The following ARHGAP10 variants were observed in gnomAD, a reference collection of about 807,000 sequenced individuals.
ARHGAP10 encodes rho GTPase-activating protein 10.
In ARHGAP10, 87 loss-of-function variants were observed where a neutral mutation model predicts 108.6. That is an observed-to-expected ratio of 0.80 (90% CI 0.67 to 0.96). The LOEUF (loss-of-function observed/expected upper bound fraction) is 0.96. ARHGAP10 is among the 40% of genes least tolerant of loss of function. The probability of loss-of-function intolerance (pLI) is 0.00; values close to 1 mark genes in which losing one functional copy is unlikely to be tolerated. For synonymous variants in ARHGAP10, 347 were observed against 341.1 expected (o/e 1.02, Z -0.19); for missense variants, 939 against 954.5 (o/e 0.98, Z 0.21).
chr4:147,739,575 A>G (rs1728568406), intron 1 of ARHGAP10, among the ~76,000 whole-genome samples: 1 of 152,300 alleles, frequency 6.6e-6, no homozygotes, highest in East Asian at 1.9e-4. Context: ...AATTCACAAT[A>G]AAAGAAGACG....
intron 19 of ARHGAP10, among the ~76,000 whole-genome samples, chr4:148,031,552 C>T (rs1728149508): frequency 6.6e-6 from 1 of 152,162 alleles, no homozygotes; most frequent in African/African-American, 2.4e-5. Flanking sequence ...AACATAAGGG[C>T]AACTGTGAAC....
chr4:148,004,377 A>C (rs540303594), intron 18 of ARHGAP10, among the ~76,000 whole-genome samples: 1 of 152,338 alleles, frequency 6.6e-6, no homozygotes, highest in South Asian at 2.1e-4. Context: ...GAAAAGAATG[A>C]ATAGATTTAA....
At chr4:148,035,199 A>G (rs1370924617) in intron 19 of ARHGAP10, among the ~76,000 whole-genome samples, 1 of 152,178 alleles carries the variant, frequency 6.6e-6, no homozygotes, top group East Asian at 1.9e-4. Flanking sequence ...CTTTTGGCAT[A>G]TTTTAGCTGT....
intron 5 of ARHGAP10, among the ~76,000 whole-genome samples, chr4:147,860,256 C>T (rs916723302): frequency 6.6e-6 from 1 of 152,186 alleles, no homozygotes; most frequent in Non-Finnish European, 1.5e-5. Flanking sequence ...TCCTGGCTAA[C>T]ACGGTGAAAC....
chr4:147,825,276 C>A (rs914018443), intron 3 of ARHGAP10, among the ~76,000 whole-genome samples: 1 of 151,968 alleles, frequency 6.6e-6, no homozygotes, highest in Non-Finnish European at 1.5e-5. Flanking sequence ...CTGGTGAAAC[C>A]CCGTCTCTAC....
chr4:147,962,307 C>T (rs1339856952), intron 16 of ARHGAP10, among the ~76,000 whole-genome samples: 1 of 152,146 alleles, frequency 6.6e-6, no homozygotes, highest in Non-Finnish European at 1.5e-5. Context: ...TCGTAGCGCT[C>T]AAATAATAAT....
At chr4:147,784,204 A>G (rs1312223300) in intron 1 of ARHGAP10, among the ~76,000 whole-genome samples, 4 of 119,390 alleles carry the variant, frequency 3.4e-5, no homozygotes, top group African/African-American at 1.2e-4. Flanking sequence ...TGTGTATTAT[A>G]TATTTTACAT....
chr4:147,762,499 C>CTTATTTATTTATTTAT (rs113127539), intron 1 of ARHGAP10, among the ~76,000 whole-genome samples: 22 of 147,974 alleles, frequency 1.5e-4, no homozygotes, highest in African/African-American at 4.5e-4. Context: ...AAGATAATTG[C>CTTATTTATTTATTTAT]TTATTTATTT....
At chr4:148,054,867 G>A (rs752419260) in intron 20 of ARHGAP10, among the ~76,000 whole-genome samples, 17 of 152,324 alleles carry the variant, frequency 1.1e-4, no homozygotes, top group Non-Finnish European at 1.9e-4. Context: ...TTTTCTGAGC[G>A]GAGTATCTGT....
chr4:147,974,707 TTAG>T (rs1481715958), intron 18 of ARHGAP10, among the ~76,000 whole-genome samples: 10 of 152,198 alleles, frequency 6.6e-5, no homozygotes, highest in African/African-American at 2.4e-4. Context: ...CTAGCCTGTA[TTAG>T]TCTGTTTTCA....
rs1578976260 is a variant in ARHGAP10, at chr4:147,732,103, G to T, written c.-199G>T. 5.1e-5 allele frequency: 19 copies of T among 374,756 alleles called. No homozygotes were observed. The East Asian group carries it at 8.6e-4, about 17-fold the overall frequency. The allele number at this position is 374,756 out of a possible 1,614,324, so 23.2% of individuals were successfully genotyped here. A position where few individuals can be genotyped will look rare whatever the true frequency, so the allele number is the denominator to read the frequency against. On this transcript the variant is annotated 5_prime_UTR_variant, in exon 1 of 23. Transcript: ENST00000336498. Reference sequence around the variant, plus strand: ...TGCCGGGATTGGGGCGCCGCAGCTAGCGCTGGTCTCGGTGGCAGCTCCTCC... The same window carrying T: ...TGCCGGGATTGGGGCGCCGCAGCTATCGCTGGTCTCGGTGGCAGCTCCTCC...
chr4:147,786,995 T>C (rs750213483), intron 1 of ARHGAP10, among the ~76,000 whole-genome samples: 2 of 152,234 alleles, frequency 1.3e-5, no homozygotes, highest in African/African-American at 2.4e-5. Context: ...GCATGTGATA[T>C]GTTGTCAGTC....
intron 1 of ARHGAP10, among the ~76,000 whole-genome samples, chr4:147,757,744 A>G (rs920855254): frequency 1.3e-5 from 2 of 152,110 alleles, no homozygotes; most frequent in Non-Finnish European, 2.9e-5. Context: ...TCACCTTCCT[A>G]AGAGAATCTG....
intron 11 of ARHGAP10, among the ~76,000 whole-genome samples, chr4:147,908,298 A>C (rs1047315629): frequency 1.3e-5 from 2 of 152,240 alleles, no homozygotes; most frequent in African/African-American, 2.4e-5. Context: ...CCAGAGATGC[A>C]GGAAGTATAT....
chr4:147,878,368 T>G (rs1435615999), intron 8 of ARHGAP10, among the ~76,000 whole-genome samples: 4 of 152,188 alleles, frequency 2.6e-5, no homozygotes, highest in African/African-American at 4.8e-5. Context: ...GTGCTAGGAT[T>G]ACAGGCGTGA....
intron 17 of ARHGAP10, among the ~76,000 whole-genome samples, chr4:147,965,750 A>C (rs1376293321): frequency 6.6e-6 from 1 of 152,226 alleles, no homozygotes; most frequent in Non-Finnish European, 1.5e-5. Flanking sequence ...TGGTCAACAA[A>C]TATTTAGTGA....
chr4:147,890,014 C>T (rs1236421292), intron 10 of ARHGAP10, among the ~76,000 whole-genome samples: 1 of 152,228 alleles, frequency 6.6e-6, no homozygotes, highest in Non-Finnish European at 1.5e-5. Context: ...AGGCACGAGA[C>T]AGCATATAGC....
chr4:147,808,487 G>A (rs1174282082), intron 1 of ARHGAP10, among the ~76,000 whole-genome samples: 1 of 152,174 alleles, frequency 6.6e-6, no homozygotes, highest in East Asian at 1.9e-4. Context: ...GAATGATACT[G>A]AAGGTTTTAA....
chr4:147,855,917 T>C (rs1400714826), intron 4 of ARHGAP10, among the ~76,000 whole-genome samples: 1 of 152,182 alleles, frequency 6.6e-6, no homozygotes, highest in Non-Finnish European at 1.5e-5. Context: ...TTAACATGCT[T>C]TGTTTAATCT....
Sources: gnomAD v4.1 joint callset for allele counts (sites outside exome capture counted in the v4.1 genomes callset) on GRCh38, gnomAD v4.1.1 for gene constraint, MANE v1.5 for transcripts, NCBI Gene and HGNC (gene_info 2026-07-23, HGNC 2026-07-21) for gene names.